Variants in PRKCH observed in about 807,000 individuals in gnomAD.
PRKCH encodes the protein protein kinase C eta type.
PRKCH carries 28 observed loss-of-function variants against 82.5 expected under a neutral mutation model. The observed-to-expected ratio is 0.34, with a 90% CI of 0.25 to 0.47. The LOEUF is 0.47. Ranked by LOEUF, PRKCH falls within the 20% of genes least tolerant of loss-of-function variation. PRKCH has a pLI of 1.00. For missense variants in PRKCH, 705 were observed against 881.8 expected, an observed-to-expected ratio of 0.80 and a Z score of 2.54; for synonymous variants, 322 against 327.4, an observed-to-expected ratio of 0.98 and a Z score of 0.18.
At chr14:61,320,200 AAAAG>A (rs2045597430), upstream of PRKCH, among the ~76,000 whole-genome samples, 1 of 152,164 alleles carries the variant, frequency 6.6e-6, no homozygotes, top group Admixed American at 6.5e-5. Flanking sequence ...TCTAAAACAT[AAAAG>A]AAAGAAAGGA....
At chr14:61,228,448 C>G (rs2044714919) in intron 1 of PRKCH, among the ~76,000 whole-genome samples, 1 of 152,150 alleles carries the variant, frequency 6.6e-6, no homozygotes, top group Admixed American at 6.5e-5. Context: ...TAGAAGCCAC[C>G]TCTTCTCAAT....
At chr14:61,465,718 T>C (rs752025355) in intron 9 of PRKCH, among the ~76,000 whole-genome samples, 1 of 152,194 alleles carries the variant, frequency 6.6e-6, no homozygotes, top group East Asian at 1.9e-4. Context: ...TTATTTATAG[T>C]AGGAAAATAT....
intron 1 of PRKCH, among the ~76,000 whole-genome samples, chr14:61,307,845 A>AT (rs1295074743): frequency 1.3e-5 from 2 of 152,200 alleles, no homozygotes; most frequent in African/African-American, 4.8e-5. Flanking sequence ...TTATTTTATT[A>AT]TTTTTGAGTG....
intron 1 of PRKCH, among the ~76,000 whole-genome samples, chr14:61,236,722 A>AC: frequency 6.7e-6 from 1 of 148,530 alleles, no homozygotes; most frequent in East Asian, 2.0e-4. Flanking sequence ...AAAAAAAAAA[A>AC]AAAAAAAAAG....
intron 1 of PRKCH, among the ~76,000 whole-genome samples, chr14:61,356,383 T>A (rs754984798): frequency 6.6e-6 from 1 of 152,214 alleles, no homozygotes; most frequent in Non-Finnish European, 1.5e-5. Context: ...CTTTCGTGCT[T>A]AGCCCTGGAC....
intron 1 of PRKCH, among the ~76,000 whole-genome samples, chr14:61,348,647 G>A (rs1017637818): frequency 8.5e-5 from 13 of 152,266 alleles, no homozygotes; most frequent in East Asian, 3.9e-4. Context: ...GACCTGTTCC[G>A]CTTCCTTCTC....
intron 1 of PRKCH, among the ~76,000 whole-genome samples, chr14:61,290,861 G>T (rs545243611): frequency 6.6e-6 from 1 of 152,158 alleles, no homozygotes; most frequent in South Asian, 2.1e-4. Context: ...CACAGCATCC[G>T]TGTTGCCAGT....
chr14:61,304,136 C>A (rs1017040018), intron 1 of PRKCH: 9 of 152,022 alleles, frequency 5.9e-5, no homozygotes, highest in Non-Finnish European at 2.9e-5. Flanking sequence ...AAGAATCTTA[C>A]AATAGTACAA....
chr14:61,376,475 C>T (rs545091952), intron 1 of PRKCH, among the ~76,000 whole-genome samples: 3 of 152,240 alleles, frequency 2.0e-5, no homozygotes, highest in East Asian at 3.9e-4. Context: ...TTTTAAAAAC[C>T]AGAGTCATCC....
In PRKCH at chr14:61,485,586, C is replaced by T; in HGVS notation, c.1363C>T (p.Arg455Ter). The T allele has an allele frequency of 1.2e-6, 2 of 1,614,106 alleles. No individual in the cohort carries two copies. The highest frequency in any genetic ancestry group is 1.1e-5 in the South Asian group (1 of 91,084). Residue 455 changes from arginine (R) to a stop codon, truncating the protein, a stop_gained, in exon 10 of 14, where the codon CGA becomes TGA. Coordinates refer to ENST00000332981, the MANE Select transcript of PRKCH (RefSeq NM_006255.5). LOFTEE classifies it high-confidence loss of function. ...GAAGTCTCGTCGTTTTGATGAAGCA[C>T]GAGCTCGCTTCTATGCTGCAGAAAT... is the stretch of plus-strand genomic sequence containing the variant. ...IQKSRRFDEARARFYAAEIIS... is the reference protein window; with the variant it reads ...IQKSRRFDEA
chr14:61,243,409 G>T (rs905181180), intron 1 of PRKCH, among the ~76,000 whole-genome samples: 2 of 146,678 alleles, frequency 1.4e-5, no homozygotes, highest in South Asian at 2.2e-4. Context: ...AAAAGAAAAA[G>T]AAAAAAAGTT....
chr14:61,313,208 C>T (rs866104932), intron 1 of PRKCH, among the ~76,000 whole-genome samples: 55 of 152,270 alleles, frequency 3.6e-4, no homozygotes, highest in African/African-American at 1.1e-3. Flanking sequence ...TAGTCATTTT[C>T]CTTTCACAGG....
chr14:61,228,182 T>C (rs1594862230), intron 1 of PRKCH, among the ~76,000 whole-genome samples: 1 of 152,184 alleles, frequency 6.6e-6, no homozygotes, highest in South Asian at 2.1e-4. Context: ...GTAGCTTGGG[T>C]GAAAAGTAAC....
chr14:61,412,315 C>T (rs1333439657), intron 2 of PRKCH, among the ~76,000 whole-genome samples: 1 of 152,118 alleles, frequency 6.6e-6, no homozygotes, highest in East Asian at 1.9e-4. Context: ...ACATACTTGT[C>T]TTTAAAAAGA....
chr14:61,547,248 T>G (rs558212614), intron 12 of PRKCH, among the ~76,000 whole-genome samples: 1 of 152,254 alleles, frequency 6.6e-6, no homozygotes, highest in South Asian at 2.1e-4. Flanking sequence ...CTTTGCTGCT[T>G]CTTCACACAG....
intron 1 of PRKCH, among the ~76,000 whole-genome samples, chr14:61,213,597 C>T (rs1245099538): frequency 1.3e-5 from 2 of 152,200 alleles, no homozygotes; most frequent in African/African-American, 2.4e-5. Flanking sequence ...GAATCTGGAA[C>T]ATCTGGATCA....
intron 1 of PRKCH, among the ~76,000 whole-genome samples, chr14:61,229,061 A>G (rs897024694): frequency 2.0e-5 from 3 of 152,268 alleles, no homozygotes; most frequent in Non-Finnish European, 4.4e-5. Flanking sequence ...CACTGGTAGG[A>G]ATTTATACTA....
chr14:61,529,085 C>G lies in PRKCH; in HGVS notation c.1444C>G (p.Leu482Val). Residue 482 changes from leucine (L) to valine (V), a missense_variant, in exon 11 of 14, where the codon CTG becomes GTG. By Grantham distance (32) the Leu-to-Val change is conservative. This residue lies in a region of PRKCH where 115 missense variants were observed against 193.8 expected (regional missense o/e 0.59). Coordinates refer to ENST00000332981, the MANE Select transcript of PRKCH (RefSeq NM_006255.5). ...CTTTGTATCTTTCAGAGATCTGAAA[C>G]TGGACAATGTCCTGTTGGACCACGA... ...DKGIIYRDLKLDNVLLDHEGH... is the reference protein window; with the variant it reads ...DKGIIYRDLKVDNVLLDHEGH... 6.2e-7 allele frequency: 1 copy of G among 1,610,706 alleles called. No homozygotes were observed. The highest frequency in any genetic ancestry group is 8.5e-7 in the Non-Finnish European group (1 of 1,178,324).
At chr14:61,356,352 A>G (rs751653850) in intron 1 of PRKCH, among the ~76,000 whole-genome samples, 1 of 152,034 alleles carries the variant, frequency 6.6e-6, no homozygotes, top group Non-Finnish European at 1.5e-5. Context: ...CGTAATCCAG[A>G]TGGTTTGTGA....
Sources: allele counts gnomAD v4.1 joint callset (sites outside exome capture counted in the v4.1 genomes callset), GRCh38; gene constraint gnomAD v4.1.1; regional missense constraint gnomAD v4.1.1; transcripts MANE v1.5; gene names NCBI Gene and HGNC (gene_info 2026-07-23, HGNC 2026-07-21).